PRKN: variants seen among roughly 807,000 people sequenced by gnomAD.
The protein encoded by PRKN is E3 ubiquitin-protein ligase parkin.
Under a neutral mutation model 59.5 loss-of-function variants are expected in PRKN, and 56 were observed. That is an observed-to-expected ratio of 0.94 (90% confidence interval 0.76 to 1.18). The LOEUF is 1.18. PRKN is among the 50% of genes most tolerant of loss of function. PRKN has a pLI of 0.00. For synonymous variants in PRKN, 250 were observed against 222.1 expected, an observed-to-expected ratio of 1.13 and a Z score of -1.12; for missense variants, 657 against 596.4, an observed-to-expected ratio of 1.10 and a Z score of -1.06.
chr6:161,842,496 G>C (rs888959393), intron 6 of PRKN, among the ~76,000 whole-genome samples: 1 of 151,056 alleles, frequency 6.6e-6, no homozygotes, highest in Non-Finnish European at 1.5e-5. Flanking sequence ...CCATGGGCAA[G>C]AGAGACATGT....
At chr6:162,229,532 A>G (rs542113641) in intron 3 of PRKN, among the ~76,000 whole-genome samples, 2 of 152,262 alleles carry the variant, frequency 1.3e-5, no homozygotes, top group South Asian at 2.1e-4. Flanking sequence ...AGAGCCCATT[A>G]TTCCTTTGCT....
chr6:162,366,992 G>A (rs1029361350), intron 2 of PRKN, among the ~76,000 whole-genome samples: 9 of 152,260 alleles, frequency 5.9e-5, no homozygotes, highest in African/African-American at 2.2e-4. Context: ...TGGTTTGGCT[G>A]TGTCCCTACC....
rs1477671460 is a variant in PRKN at position 161,818,504 on chromosome 6, T to C, written c.735-32596A>G. On this transcript the variant is annotated intron_variant, in intron 6 of 11. Transcript: ENST00000366898. ...TATGCCACCATGCCTGGCTAAGTTT[T>C]GAATTTTTCTGCAGAGATAGGATCT... 3.3e-5 allele frequency among the ~76,000 whole-genome samples: 5 copies of C among 151,898 alleles called. No homozygotes were observed. The South Asian group carries it at 6.3e-4, about 19-fold the overall frequency.
At chr6:162,080,342 T>G (rs573042083) in intron 4 of PRKN, among the ~76,000 whole-genome samples, 6 of 152,182 alleles carry the variant, frequency 3.9e-5, no homozygotes, top group Admixed American at 2.6e-4. Context: ...TTGGTGAGGA[T>G]AAAACAAACA....
At chr6:162,573,074 A>AT (rs1197175780) in intron 1 of PRKN, among the ~76,000 whole-genome samples, 8 of 152,268 alleles carry the variant, frequency 5.3e-5, no homozygotes, top group Admixed American at 5.2e-4. Flanking sequence ...TCATCTCTTA[A>AT]TTTTATTTAC....
chr6:162,051,376 C>T (rs1032707761), intron 5 of PRKN, among the ~76,000 whole-genome samples: 3 of 152,114 alleles, frequency 2.0e-5, no homozygotes, highest in Admixed American at 6.5e-5. Context: ...CATTTGTCAC[C>T]CGGAACTTCA....
At chr6:162,136,181 A>T (rs1179721393) in intron 4 of PRKN, among the ~76,000 whole-genome samples, 1 of 151,260 alleles carries the variant, frequency 6.6e-6, no homozygotes, top group Admixed American at 6.6e-5. Flanking sequence ...TAGAAATTGT[A>T]TAGGTATAAT....
intron 9 of PRKN, among the ~76,000 whole-genome samples, chr6:161,453,273 C>T (rs891614951): frequency 1.3e-5 from 2 of 152,172 alleles, no homozygotes; most frequent in African/African-American, 2.4e-5. Flanking sequence ...TCACTCATTT[C>T]GTACTCTTAA....
At chr6:162,380,784 A>G (rs570431471) in intron 2 of PRKN, among the ~76,000 whole-genome samples, 2 of 152,044 alleles carry the variant, frequency 1.3e-5, no homozygotes, top group Admixed American at 6.6e-5. Flanking sequence ...GTCAATTTCA[A>G]CTGGCGCTCA....
At chr6:161,350,310 A>G in intron 11 of PRKN, 99 bp from the exon 12 acceptor site, 2 of 798,028 alleles carry the variant, frequency 2.5e-6, no homozygotes, top group Non-Finnish European at 4.3e-6. Context: ...TCACTTTCTG[A>G]GCGAATAATC....
intron 2 of PRKN, among the ~76,000 whole-genome samples, chr6:162,411,639 C>T (rs1313130247): frequency 6.6e-6 from 1 of 152,232 alleles, no homozygotes; most frequent in East Asian, 1.9e-4. Flanking sequence ...GAAAAATACA[C>T]AATCCAGAAA....
At chr6:161,909,423 AAAAT>A (rs1778270848) in intron 6 of PRKN, among the ~76,000 whole-genome samples, 1 of 152,336 alleles carries the variant, frequency 6.6e-6, no homozygotes, top group East Asian at 1.9e-4. Context: ...TGTAACAATA[AAAAT>A]CATTTCTTTT....
At position 161,405,785 on chromosome 6, in the gene PRKN, C is replaced by T. The variant is rs1172485506; in HGVS notation, c.1084-18908G>A. Among the ~76,000 whole-genome samples, 3 of 151,930 alleles carry T rather than the reference C, an allele frequency of 2.0e-5. No individual in the cohort carries two copies. Among genetic ancestry groups the T allele is most frequent in the Non-Finnish European group, 4.4e-5 (3 of 68,008 alleles). ...ACCCGTTGGGCCATTTGAGAAGTGG[C>T]AACAGGGGATCAGCAGAAGGGTTAA... On this transcript the variant is annotated intron_variant, in intron 9 of 11. Transcript: ENST00000366898. This position sits in a 1 kb window ranked among gnomAD's most constrained non-coding sequence, Gnocchi z 5.1.
At chr6:161,718,655 C>A (rs959082771) in intron 7 of PRKN, among the ~76,000 whole-genome samples, 3 of 152,042 alleles carry the variant, frequency 2.0e-5, no homozygotes, top group African/African-American at 4.8e-5. Context: ...CTAGCAGGCA[C>A]CTGCCAGTAA....
intron 10 of PRKN, among the ~76,000 whole-genome samples, chr6:161,383,933 T>G (rs1417689618): frequency 6.6e-6 from 1 of 152,212 alleles, no homozygotes; most frequent in African/African-American, 2.4e-5. Flanking sequence ...CTTTTTAGTT[T>G]GGCTGGTTGG....
At chr6:161,601,636 G>C (rs1018631358) in intron 7 of PRKN, among the ~76,000 whole-genome samples, 2 of 150,140 alleles carry the variant, frequency 1.3e-5, no homozygotes, top group Non-Finnish European at 3.0e-5. Context: ...AGGCTGGAGT[G>C]CAGTGGCGCG....
At chr6:162,516,604 T>C (rs1371424755) in intron 1 of PRKN, among the ~76,000 whole-genome samples, 1 of 151,754 alleles carries the variant, frequency 6.6e-6, no homozygotes, top group Admixed American at 6.6e-5. Flanking sequence ...ATACAAAAAT[T>C]AGCTGAGCAT....
At chr6:162,221,275 G>T (rs1777921669) in intron 3 of PRKN, among the ~76,000 whole-genome samples, 1 of 152,188 alleles carries the variant, frequency 6.6e-6, no homozygotes, top group Non-Finnish European at 1.5e-5. Flanking sequence ...GCTAGTTGAT[G>T]ACACTGAATT....
rs775101661 is a variant in PRKN, at chr6:161,447,756, G to A, written c.1084-60879C>T. 2.0e-5 allele frequency among the ~76,000 whole-genome samples: 3 copies of A among 152,188 alleles called. No individual in the cohort carries two copies. Among genetic ancestry groups the A allele is most frequent in the Non-Finnish European group, 4.4e-5 (3 of 68,032 alleles). On this transcript the variant is annotated intron_variant, in intron 9 of 11. Transcript: ENST00000366898. The surrounding 1 kb of genome is among the most constrained non-coding windows in gnomAD (Gnocchi z 4.1). The stretch of plus-strand genomic sequence containing the variant: ...GATCAGCCCGCCTCGGCCTCCCAAT[G>A]TGCTGGGATTACAGGTATGAGCCAC...
Sources: gnomAD v4.1 joint callset for allele counts (sites outside exome capture counted in the v4.1 genomes callset) on GRCh38, gnomAD v4.1.1 for gene constraint, Gnocchi (gnomAD v3.1) non-coding constraint, MANE v1.5 for transcripts, NCBI Gene and HGNC (gene_info 2026-07-23, HGNC 2026-07-21) for gene names.